Variants in XYLT1 observed in about 807,000 individuals in gnomAD.
XYLT1 encodes the protein beta-D-xylosyltransferase 1.
Under a neutral mutation model 91.3 loss-of-function variants are expected in XYLT1, and 36 were observed. The ratio of observed to expected loss-of-function variants is 0.39; its 90% CI spans 0.30 to 0.52. XYLT1 has a LOEUF of 0.52. Ranked by LOEUF, XYLT1 falls within the 20% of genes least tolerant of loss-of-function variation. The probability of loss-of-function intolerance (pLI) is 0.68; values close to 1 mark genes in which losing one functional copy is unlikely to be tolerated. For synonymous variants in XYLT1, 588 were observed against 532.0 expected (o/e 1.11, Z -1.45); for missense variants, 1,242 against 1,284.5 (o/e 0.97, Z 0.51).
At chr16:17,373,838 CCT>C (rs1489036179) in intron 1 of XYLT1, among the ~76,000 whole-genome samples, 2 of 152,300 alleles carry the variant, frequency 1.3e-5, no homozygotes, top group East Asian at 3.9e-4. Flanking sequence ...TATTCTCCAG[CCT>C]CTCGTAATAC....
At chr16:17,394,620 A>C (rs142469621) in intron 1 of XYLT1, among the ~76,000 whole-genome samples, 133 of 152,302 alleles carry the variant, frequency 8.7e-4, no homozygotes, top group African/African-American at 3.1e-3. Flanking sequence ...TAAAGCCACC[A>C]CGCTTAGAGA....
At chr16:17,162,959 A>AAAAACAATG (rs1257560000) in intron 5 of XYLT1, among the ~76,000 whole-genome samples, 4 of 152,254 alleles carry the variant, frequency 2.6e-5, no homozygotes, top group Non-Finnish European at 5.9e-5. Context: ...AGTATTAAAT[A>AAAAACAATG]AAAACAATGC....
chr16:17,458,897 T>C (rs1305280887), intron 1 of XYLT1, among the ~76,000 whole-genome samples: 5 of 152,110 alleles, frequency 3.3e-5, no homozygotes, highest in Non-Finnish European at 7.3e-5. Flanking sequence ...GATTAATAAT[T>C]TCTTTAAATA....
intron 2 of XYLT1, among the ~76,000 whole-genome samples, chr16:17,334,880 C>G (rs999516995): frequency 1.3e-5 from 2 of 150,748 alleles, no homozygotes; most frequent in Non-Finnish European, 2.9e-5. Context: ...GAGACTCCAT[C>G]TCAAAAAACA....
intron 6 of XYLT1, among the ~76,000 whole-genome samples, chr16:17,144,284 G>C (rs769668239): frequency 1.3e-5 from 2 of 152,194 alleles, no homozygotes; most frequent in Non-Finnish European, 2.9e-5. Flanking sequence ...TACATGTCCA[G>C]CACCTACCAC....
At position 17,108,947 on chromosome 16, in the gene XYLT1, G is replaced by C. The variant is rs560977789; in HGVS notation, c.2628C>G (p.Asn876Lys). The change falls in exon 12 of 12, where the codon AAC (asparagine) becomes AAG (lysine). Residue 876 changes from asparagine to lysine, a missense_variant. By Grantham distance (94) the Asn-to-Lys change is moderately conservative. Transcript: ENST00000261381. Reference protein sequence around the residue: ...AYMEQSFQSLNPVLSLPINPA... With the variant: ...AYMEQSFQSLKPVLSLPINPA... ...GGTTGATGGGCAGGCTGAGGACGGG[G>C]TTTAGGCTCTGGAAGCTCTGCTCCA... is the stretch of plus-strand genomic sequence containing the variant. 19 of 1,591,716 alleles carry C rather than the reference G, an allele frequency of 1.2e-5. No individual in the cohort carries two copies. In the South Asian group the frequency reaches 2.0e-4, roughly 17 times the overall value.
rs948173236 is a variant in XYLT1, at chr16:17,470,709, G to C, written c.88C>G (p.Leu30Val). The change falls in exon 1 of 12, where the codon CTG (leucine) becomes GTG (valine). Residue 30 changes from leucine to valine, a missense_variant. By Grantham distance (32) the Leu-to-Val change is conservative. Around this residue, in one of 3 missense-constraint regions of XYLT1, gnomAD observed 437 missense variants for 411.5 expected, o/e 1.06. Transcript: ENST00000261381. ...AGGCTGCTGAAATTCCACACGACCA[G>C]CGTCTGCAGCAGCAGCACCGTGAGC... ...AALTVLLLQT[L>V]VVWNFSSLDS... 2.6e-6 allele frequency: 3 copies of C among 1,167,080 alleles called. No individual in the cohort carries two copies. In the African/African-American group the frequency reaches 5.0e-5, roughly 19 times the overall value. 72.3% of individuals were successfully genotyped at this position (1,167,080 alleles called of 1,614,324 possible). A position where few individuals can be genotyped will look rare whatever the true frequency, so the allele number is the denominator to read the frequency against.
rs945113417 is a variant in XYLT1 at position 17,106,963 on chromosome 16, CGA to C, written c.*1730_*1731del. 4.0e-5 allele frequency: 6 copies of C among 151,178 alleles called. No homozygotes were observed. Among genetic ancestry groups the C allele is most frequent in the South Asian group, 2.1e-4 (1 of 4,766 alleles). 9.4% of individuals were successfully genotyped at this position (151,178 alleles called of 1,614,324 possible). On this transcript the variant is annotated 3_prime_UTR_variant, in exon 12 of 12. Coordinates refer to ENST00000261381, the MANE Select transcript of XYLT1 (RefSeq NM_022166.4). ...GGGGTAGACGCAGAGAAAGAGAAAC[CGA>C]GAGAGAGAGAGACACCAGGGGGTGG...
intron 2 of XYLT1, among the ~76,000 whole-genome samples, chr16:17,320,247 A>G (rs1187835448): frequency 6.6e-6 from 1 of 152,188 alleles, no homozygotes; most frequent in African/African-American, 2.4e-5. Flanking sequence ...ATTTCCAAAA[A>G]CCTAGCACAG....
At chr16:17,317,284 C>A (rs142266750) in intron 2 of XYLT1, among the ~76,000 whole-genome samples, 1 of 152,056 alleles carries the variant, frequency 6.6e-6, no homozygotes, top group Middle Eastern at 3.2e-3. Flanking sequence ...ACATTCTTGA[C>A]GGATGCCCTG....
At chr16:17,316,662 G>A (rs2034636397) in intron 2 of XYLT1, among the ~76,000 whole-genome samples, 1 of 152,032 alleles carries the variant, frequency 6.6e-6, no homozygotes, top group Non-Finnish European at 1.5e-5. Flanking sequence ...CTCCCAAAGT[G>A]CTGGGATTAC....
At chr16:17,342,915 T>A (rs1469185202) in intron 2 of XYLT1, among the ~76,000 whole-genome samples, 1 of 152,158 alleles carries the variant, frequency 6.6e-6, no homozygotes, top group Non-Finnish European at 1.5e-5. Context: ...CTATTGATAA[T>A]TGCGATGATG....
chr16:17,464,431 G>A (rs899086823), intron 1 of XYLT1, among the ~76,000 whole-genome samples: 4 of 150,102 alleles, frequency 2.7e-5, no homozygotes, highest in Non-Finnish European at 1.5e-5. Context: ...GGCGGAGGTA[G>A]CAGTGAGTCA....
intron 1 of XYLT1, among the ~76,000 whole-genome samples, chr16:17,466,892 A>AG (rs891658387): frequency 6.6e-6 from 1 of 151,908 alleles, no homozygotes; most frequent in Non-Finnish European, 1.5e-5. Context: ...GAAAGTGTGA[A>AG]AAAAAAAACG....
intron 2 of XYLT1, among the ~76,000 whole-genome samples, chr16:17,357,179 A>C (rs1014441311): frequency 5.9e-5 from 8 of 134,484 alleles, no homozygotes; most frequent in African/African-American, 2.9e-4. Flanking sequence ...TCTCAAAAAA[A>C]AAAAAAAAAA....
chr16:17,181,451 A>T (rs914751648), intron 5 of XYLT1, among the ~76,000 whole-genome samples: 11 of 152,274 alleles, frequency 7.2e-5, no homozygotes, highest in Non-Finnish European at 1.5e-4. Flanking sequence ...ATTATTAATT[A>T]TCATTGTCAT....
intron 2 of XYLT1, among the ~76,000 whole-genome samples, chr16:17,350,153 C>T (rs1056099990): frequency 3.9e-5 from 6 of 152,110 alleles, no homozygotes; most frequent in African/African-American, 9.7e-5. Flanking sequence ...GGATTACAGG[C>T]GTGAGCCACC....
intron 3 of XYLT1, among the ~76,000 whole-genome samples, chr16:17,246,703 AG>A: frequency 6.6e-6 from 1 of 152,340 alleles, no homozygotes; most frequent in East Asian, 1.9e-4. Flanking sequence ...CCTGGCATTC[AG>A]GAAGTGCCTA....
At chr16:17,374,241 T>A (rs533141430) in intron 1 of XYLT1, among the ~76,000 whole-genome samples, 1 of 152,126 alleles carries the variant, frequency 6.6e-6, no homozygotes, top group Non-Finnish European at 1.5e-5. Context: ...AGAATCAACA[T>A]TGAGAAGGTG....
Sources: allele counts gnomAD v4.1 joint callset (sites outside exome capture counted in the v4.1 genomes callset), GRCh38; gene constraint gnomAD v4.1.1; regional missense constraint gnomAD v4.1.1; transcripts MANE v1.5; gene names NCBI Gene and HGNC (gene_info 2026-07-23, HGNC 2026-07-21).